Variants in TBC1D5 observed in about 807,000 individuals in gnomAD.
TBC1D5 encodes TBC1 domain family member 5.
In TBC1D5, 75 loss-of-function variants were observed where a neutral mutation model predicts 100.3. That is an observed-to-expected ratio of 0.75 (90% CI 0.62 to 0.91). The LOEUF (loss-of-function observed/expected upper bound fraction) is 0.91. Among genes scored for constraint, TBC1D5 ranks in the 40% least tolerant of loss-of-function variants. The pLI is 0.00. For missense variants in TBC1D5, 910 were observed against 942.4 expected, an observed-to-expected ratio of 0.97 and a Z score of 0.45; for synonymous variants, 323 against 325.6, an observed-to-expected ratio of 0.99 and a Z score of 0.09.
chr3:17,477,030 T>C (rs1005908745), intron 3 of TBC1D5, among the ~76,000 whole-genome samples: 5 of 151,952 alleles, frequency 3.3e-5, no homozygotes, highest in African/African-American at 4.8e-5. Context: ...AGAAGGATTT[T>C]AGTGTAATTC....
intron 2 of TBC1D5, among the ~76,000 whole-genome samples, chr3:17,585,175 G>GA (rs1251026832): frequency 1.3e-5 from 2 of 151,998 alleles, no homozygotes; most frequent in Non-Finnish European, 2.9e-5. Flanking sequence ...TATACATCAG[G>GA]AAAAAATGCC....
chr3:17,500,426 A>T (rs1314945500), intron 3 of TBC1D5, among the ~76,000 whole-genome samples: 2 of 149,648 alleles, frequency 1.3e-5, no homozygotes, highest in Non-Finnish European at 2.9e-5. Context: ...TCGCCATCTA[A>T]ATGTTCATCA....
intron 3 of TBC1D5, among the ~76,000 whole-genome samples, chr3:17,485,102 T>C (rs2095546135): frequency 6.6e-6 from 1 of 152,026 alleles, no homozygotes; most frequent in Admixed American, 6.6e-5. Flanking sequence ...TGTCTAATAA[T>C]GAAAAAAGAG....
At chr3:17,217,073 T>C (rs1376899961) in intron 17 of TBC1D5, among the ~76,000 whole-genome samples, 1 of 152,150 alleles carries the variant, frequency 6.6e-6, no homozygotes, top group Non-Finnish European at 1.5e-5. Context: ...CACAATCTAC[T>C]TCTGGCTCTA....
chr3:17,273,277 C>T (rs1043495438), intron 15 of TBC1D5, among the ~76,000 whole-genome samples: 3 of 152,178 alleles, frequency 2.0e-5, no homozygotes, highest in East Asian at 1.9e-4. Flanking sequence ...CTTGACCCTA[C>T]CATCTCTTTG....
intron 1 of TBC1D5, among the ~76,000 whole-genome samples, chr3:17,646,661 T>A (rs1263923787): frequency 2.6e-5 from 4 of 152,180 alleles, no homozygotes; most frequent in Admixed American, 6.5e-5. Flanking sequence ...CCCCATGTCC[T>A]TGCTTCTCTC....
At chr3:17,642,046 T>C (rs1213870296) in intron 1 of TBC1D5, among the ~76,000 whole-genome samples, 3 of 152,154 alleles carry the variant, frequency 2.0e-5, no homozygotes, top group Non-Finnish European at 4.4e-5. Context: ...AATTGGTTAG[T>C]TTGTATAGGT....
intron 15 of TBC1D5, among the ~76,000 whole-genome samples, chr3:17,285,476 G>A (rs2081092760): frequency 6.6e-6 from 1 of 151,628 alleles, no homozygotes; most frequent in Non-Finnish European, 1.5e-5. Context: ...TAGCCAGGAT[G>A]GTCTCGATCT....
intron 1 of TBC1D5, among the ~76,000 whole-genome samples, chr3:17,670,280 G>T (rs6809062): frequency 6.6e-6 from 1 of 152,130 alleles, no homozygotes; most frequent in South Asian, 2.1e-4. Context: ...TTCTGGGCTC[G>T]AACACAAATT....
chr3:17,273,824 A>T (rs937459146), intron 15 of TBC1D5, among the ~76,000 whole-genome samples: 2 of 151,676 alleles, frequency 1.3e-5, no homozygotes, highest in Non-Finnish European at 1.5e-5. Flanking sequence ...AAAAAAAAAA[A>T]AAAATTGCTA....
intron 19 of TBC1D5, among the ~76,000 whole-genome samples, chr3:17,175,884 G>T (rs773690160): frequency 6.6e-6 from 1 of 152,208 alleles, no homozygotes; most frequent in Non-Finnish European, 1.5e-5. Flanking sequence ...ATCCTGGTCT[G>T]CACCTCCCCT....
intron 2 of TBC1D5, among the ~76,000 whole-genome samples, chr3:17,594,110 T>C (rs1246601966): frequency 2.0e-5 from 3 of 152,130 alleles, no homozygotes; most frequent in South Asian, 2.1e-4. Flanking sequence ...TTCCATTAAA[T>C]TGGAAGTTAA....
chr3:17,230,295 C>T (rs1220699515), intron 17 of TBC1D5, among the ~76,000 whole-genome samples: 1 of 152,156 alleles, frequency 6.6e-6, no homozygotes, highest in Non-Finnish European at 1.5e-5. Context: ...GTGCTTTCTT[C>T]TTGATGGTCC....
chr3:17,362,903 C>G (rs894933845), intron 13 of TBC1D5, among the ~76,000 whole-genome samples: 1 of 152,174 alleles, frequency 6.6e-6, no homozygotes, highest in African/African-American at 2.4e-5. Flanking sequence ...AAACTACAGT[C>G]CAATGTCACT....
At chr3:17,455,544 G>GTGTGTA (rs746332226) in intron 3 of TBC1D5, among the ~76,000 whole-genome samples, 12 of 147,770 alleles carry the variant, frequency 8.1e-5, no homozygotes, top group Non-Finnish European at 1.6e-4. Context: ...GTGTGTGTGT[G>GTGTGTA]TATATATATA....
At chr3:17,391,401 A>G (rs1463833261) in intron 8 of TBC1D5, among the ~76,000 whole-genome samples, 1 of 151,802 alleles carries the variant, frequency 6.6e-6, no homozygotes, top group African/African-American at 2.4e-5. Flanking sequence ...CTCATGAAAC[A>G]CTCCTAAGCC....
chr3:17,728,013 T>C (rs2076259831), intron 1 of TBC1D5, among the ~76,000 whole-genome samples: 1 of 152,072 alleles, frequency 6.6e-6, no homozygotes, highest in African/African-American at 2.4e-5. Context: ...ATTCACCATA[T>C]TGGAAGGACA....
In TBC1D5 at chr3:17,710,564, C is replaced by CAATAAATA. The variant is rs200722930; in HGVS notation, c.-101+28771_-101+28778dup. On this transcript the variant is annotated intron_variant, in intron 1 of 21. Transcript: ENST00000253692. ...GGGCAACAAGAGCAAAACTCCATCTCAATAAATAAATAAATAAATAAATAA... is the reference window on the plus strand; with the variant it reads ...GGGCAACAAGAGCAAAACTCCATCTCAATAAATAAATAAATAAATAAATAAATAAATAA... 3.1e-3 allele frequency among the ~76,000 whole-genome samples: 463 copies of CAATAAATA among 149,070 alleles called. 3 individuals are homozygous for CAATAAATA. The highest frequency in any genetic ancestry group is 8.6e-3 in the African/African-American group (349 of 40,436).
chr3:17,320,917 C>T (rs986233064), intron 13 of TBC1D5, among the ~76,000 whole-genome samples: 7 of 152,132 alleles, frequency 4.6e-5, no homozygotes, highest in African/African-American at 1.7e-4. Context: ...ATGATGGTAT[C>T]TTTATAATAC....
Sources: allele counts gnomAD v4.1 joint callset (sites outside exome capture counted in the v4.1 genomes callset), GRCh38; gene constraint gnomAD v4.1.1; transcripts MANE v1.5; gene names NCBI Gene and HGNC (gene_info 2026-07-23, HGNC 2026-07-21).